KCND2: variants seen among roughly 807,000 people sequenced by gnomAD.
KCND2 encodes A-type voltage-gated potassium channel KCND2.
A neutral mutation model predicts 54.4 loss-of-function variants in KCND2; 16 were observed. That is an observed-to-expected ratio of 0.29 (90% CI 0.20 to 0.45). KCND2 has a LOEUF of 0.45. Among genes scored for constraint, KCND2 ranks in the 20% least tolerant of loss-of-function variants. The probability of loss-of-function intolerance (pLI) is 1.00; values close to 1 mark genes in which losing one functional copy is unlikely to be tolerated. For synonymous variants in KCND2, 317 were observed against 310.7 expected, an observed-to-expected ratio of 1.02 and a Z score of -0.21; for missense variants, 486 against 824.2, an observed-to-expected ratio of 0.59 and a Z score of 5.02.
chr7:120,718,731 G>A (rs914438488), intron 1 of KCND2, among the ~76,000 whole-genome samples: 28 of 152,266 alleles, frequency 1.8e-4, no homozygotes, highest in African/African-American at 6.5e-4. Context: ...AGAGGAGAAA[G>A]AGATTCACTT....
chr7:120,497,095 G>T (rs963699229), intron 1 of KCND2, among the ~76,000 whole-genome samples: 1 of 152,176 alleles, frequency 6.6e-6, no homozygotes, highest in African/African-American at 2.4e-5. Context: ...TAAGTGTTAT[G>T]TGTAGCATAT....
At chr7:120,477,223 A>G (rs1469104415) in intron 1 of KCND2, among the ~76,000 whole-genome samples, 1 of 152,208 alleles carries the variant, frequency 6.6e-6, no homozygotes, top group African/African-American at 2.4e-5. Context: ...ATGAAGCACT[A>G]CCATTTAAAT....
intron 1 of KCND2, among the ~76,000 whole-genome samples, chr7:120,471,575 G>A (rs1000804232): frequency 2.0e-5 from 3 of 152,016 alleles, no homozygotes; most frequent in African/African-American, 7.3e-5. Flanking sequence ...AGAAATTTGA[G>A]CTCTTTACTG....
chr7:120,361,008 C>A (rs897118619), intron 1 of KCND2, among the ~76,000 whole-genome samples: 1 of 152,018 alleles, frequency 6.6e-6, no homozygotes. Context: ...CATTTCAGCT[C>A]AAATACTCAT....
chr7:120,446,756 G>A (rs1415347087), intron 1 of KCND2, among the ~76,000 whole-genome samples: 1 of 152,130 alleles, frequency 6.6e-6, no homozygotes, highest in Non-Finnish European at 1.5e-5. Flanking sequence ...CTTGTTATAG[G>A]GGAAGGCGGA....
rs1799140189 is a variant in KCND2 at position 120,274,363 on chromosome 7, G to T, written c.-270G>T. The stretch of plus-strand genomic sequence containing the variant: ...TGCCAGAGGGTGGCCTAGCCCACCT[G>T]CAGGAAGAGATTTGGCTGGGTTCTG... On this transcript the variant is annotated 5_prime_UTR_variant, in exon 1 of 6. Coordinates refer to ENST00000331113, the MANE Select transcript of KCND2 (RefSeq NM_012281.3). 1.8e-6 allele frequency: 1 copy of T among 564,970 alleles called. No homozygotes were observed. Among genetic ancestry groups the T allele is most frequent in the Non-Finnish European group, 3.2e-6 (1 of 315,600 alleles). The allele number at this position is 564,970 out of a possible 1,614,324, so 35.0% of individuals were successfully genotyped here.
chr7:120,504,209 A>C (rs1802980837), intron 1 of KCND2, among the ~76,000 whole-genome samples: 1 of 151,958 alleles, frequency 6.6e-6, no homozygotes, highest in Non-Finnish European at 1.5e-5. Context: ...TATAACTAAT[A>C]ATGGTGCCAA....
intron 1 of KCND2, among the ~76,000 whole-genome samples, chr7:120,352,252 G>A (rs1450142703): frequency 5.9e-5 from 9 of 151,822 alleles, no homozygotes; most frequent in African/African-American, 2.2e-4. Flanking sequence ...TCTGTTTTCT[G>A]TAACAGTGGT....
intron 1 of KCND2, among the ~76,000 whole-genome samples, chr7:120,537,884 C>T (rs1232979082): frequency 6.6e-6 from 1 of 152,092 alleles, no homozygotes; most frequent in Non-Finnish European, 1.5e-5. Flanking sequence ...TTATCCAGAC[C>T]ACTAAAACTT....
upstream of KCND2, among the ~76,000 whole-genome samples, chr7:120,273,020 G>A (rs1193154609): frequency 6.6e-6 from 1 of 151,954 alleles, no homozygotes; most frequent in East Asian, 1.9e-4. Flanking sequence ...TTGTTCATCC[G>A]AGGCTCGCTT....
intron 1 of KCND2, among the ~76,000 whole-genome samples, chr7:120,384,854 G>A (rs1166800766): frequency 6.6e-6 from 1 of 152,054 alleles, no homozygotes; most frequent in African/African-American, 2.4e-5. Flanking sequence ...AGGAGAACTT[G>A]TGCCTAGGCA....
At chr7:120,275,811 G>A (rs944059485) in intron 1 of KCND2, 64 bp downstream of exon 1, 7 of 1,516,412 alleles carry the variant, frequency 4.6e-6, no homozygotes, top group East Asian at 4.5e-5. Context: ...TGGACCCATC[G>A]AGGTTACATG....
At chr7:120,427,416 G>A (rs745390807) in intron 1 of KCND2, among the ~76,000 whole-genome samples, 1 of 152,036 alleles carries the variant, frequency 6.6e-6, no homozygotes, top group Non-Finnish European at 1.5e-5. Context: ...ATTTTAACAT[G>A]AGCCTCGGAA....
intron 1 of KCND2, among the ~76,000 whole-genome samples, chr7:120,554,205 C>G (rs920880915): frequency 1.3e-5 from 2 of 152,152 alleles, no homozygotes; most frequent in African/African-American, 4.8e-5. Context: ...AAAACTTACT[C>G]AATCATATCT....
At chr7:120,336,867 C>A (rs1800159294) in intron 1 of KCND2, among the ~76,000 whole-genome samples, 1 of 152,076 alleles carries the variant, frequency 6.6e-6, no homozygotes, top group South Asian at 2.1e-4. Flanking sequence ...CTCTCTTGAA[C>A]CCTAAAACAC....
At chr7:120,643,828 A>C (rs1192725142) in intron 1 of KCND2, among the ~76,000 whole-genome samples, 1 of 151,580 alleles carries the variant, frequency 6.6e-6, no homozygotes, top group African/African-American at 2.4e-5. Flanking sequence ...ACTCTCAAAA[A>C]TAGGATGTTT....
chr7:120,671,502 A>G (rs972236103), intron 1 of KCND2, among the ~76,000 whole-genome samples: 4 of 152,036 alleles, frequency 2.6e-5, no homozygotes, highest in Non-Finnish European at 5.9e-5. Context: ...TTCTGGATAC[A>G]GGAGCCACTC....
intron 1 of KCND2, among the ~76,000 whole-genome samples, chr7:120,309,402 T>A (rs1178619181): frequency 2.0e-5 from 3 of 148,446 alleles, no homozygotes; most frequent in Non-Finnish European, 4.5e-5. Flanking sequence ...AAGAAAGCAA[T>A]GTGCATGAGA....
intron 1 of KCND2, among the ~76,000 whole-genome samples, chr7:120,609,842 C>T (rs898987196): frequency 1.3e-5 from 2 of 152,104 alleles, no homozygotes; most frequent in African/African-American, 4.8e-5. Context: ...CTCTTCTAAG[C>T]ACAGGGCCCT....
Sources: allele counts gnomAD v4.1 joint callset (sites outside exome capture counted in the v4.1 genomes callset), GRCh38; gene constraint gnomAD v4.1.1; transcripts MANE v1.5; gene names NCBI Gene and HGNC (gene_info 2026-07-23, HGNC 2026-07-21).